Variants in VDAC1 observed in about 807,000 individuals in gnomAD.
The protein encoded by VDAC1 is voltage dependent anion channel 1.
A neutral mutation model predicts 34.7 loss-of-function variants in VDAC1; 10 were observed. That is an observed-to-expected ratio of 0.29 (90% CI 0.18 to 0.49). The LOEUF (loss-of-function observed/expected upper bound fraction) is 0.49, where lower values mean the gene tolerates loss of function less well. Among genes scored for constraint, VDAC1 ranks in the 20% least tolerant of loss-of-function variants. The probability of loss-of-function intolerance (pLI) is 0.99; values close to 1 mark genes in which losing one functional copy is unlikely to be tolerated. For missense variants in VDAC1, 230 were observed against 347.9 expected (o/e 0.66, Z 2.69); for synonymous variants, 130 against 136.0 (o/e 0.96, Z 0.30).
At chr5:134,075,770 A>T in the VDAC1 span, among the ~76,000 whole-genome samples, 1 of 151,754 alleles carries the variant, frequency 6.6e-6, no homozygotes, top group South Asian at 2.1e-4. Context: ...TTATTTTAGT[A>T]GAGACGGGGT....
chr5:134,059,542 GA>G, the VDAC1 span, among the ~76,000 whole-genome samples: 1 of 152,086 alleles, frequency 6.6e-6, no homozygotes, highest in African/African-American at 2.4e-5. Flanking sequence ...CAGGAAGCTA[GA>G]AGCCCGTCGC....
At position 133,992,935 on chromosome 5, in the gene VDAC1, G is replaced by C. The variant is rs373877351; in HGVS notation, c.67+11C>G. 6.2e-7 allele frequency: 1 copy of C among 1,611,678 alleles called. No individual in the cohort carries two copies. Among genetic ancestry groups the C allele is most frequent in the Non-Finnish European group, 8.5e-7 (1 of 1,178,736 alleles). On this transcript the variant is annotated intron_variant, in intron 2 of 8. Coordinates refer to ENST00000265333, the MANE Select transcript of VDAC1 (RefSeq NM_003374.3). ...GTGAGCTGAAAGGCACCCCCTCTCTGCAACACTCACCATAGCCCTTGGTGA... is the reference window on the plus strand; with the variant it reads ...GTGAGCTGAAAGGCACCCCCTCTCTCCAACACTCACCATAGCCCTTGGTGA...
the VDAC1 span, among the ~76,000 whole-genome samples, chr5:134,048,297 C>T: frequency 1.7e-4 from 26 of 148,692 alleles, no homozygotes; most frequent in African/African-American, 5.7e-4. Flanking sequence ...GAGACAGTCT[C>T]GCTCTGTCGC....
intron 3 of VDAC1, 79 bp from the exon 4 acceptor site, chr5:133,991,233 C>A (rs748074688): frequency 6.2e-5 from 97 of 1,572,648 alleles, no homozygotes; most frequent in Non-Finnish European, 7.7e-5. Flanking sequence ...ACTATACTTG[C>A]CTTTCTGCAA....
the VDAC1 span, among the ~76,000 whole-genome samples, chr5:134,100,666 G>C: frequency 6.6e-6 from 1 of 152,192 alleles, no homozygotes. Context: ...AACCAGAGCC[G>C]GCCGAGACTC....
At chr5:134,105,289 C>T in the VDAC1 span, among the ~76,000 whole-genome samples, 1 of 152,188 alleles carries the variant, frequency 6.6e-6, no homozygotes, top group African/African-American at 2.4e-5. Context: ...CCTGCTGCCC[C>T]CCACTATCCT....
At chr5:134,070,150 A>C in the VDAC1 span, among the ~76,000 whole-genome samples, 1 of 151,250 alleles carries the variant, frequency 6.6e-6, no homozygotes, top group East Asian at 1.9e-4. Flanking sequence ...TTACTTTCTT[A>C]TTTTTTTTGG....
the VDAC1 span, among the ~76,000 whole-genome samples, chr5:134,014,909 T>C: frequency 2.0e-5 from 3 of 152,080 alleles, no homozygotes; most frequent in Non-Finnish European, 4.4e-5. Flanking sequence ...CAAATGCACA[T>C]GTAGGTTTGT....
chr5:133,976,660 AAAG>A (rs1752495732), intron 6 of VDAC1, among the ~76,000 whole-genome samples: 2 of 151,770 alleles, frequency 1.3e-5, no homozygotes, highest in East Asian at 1.9e-4. Flanking sequence ...AAAAAAAAAA[AAAG>A]AAGCAGCAAG....
the VDAC1 span, among the ~76,000 whole-genome samples, chr5:134,110,521 A>T: frequency 2.0e-5 from 3 of 152,236 alleles, no homozygotes; most frequent in Non-Finnish European, 4.4e-5. Context: ...AACTACACAG[A>T]GTTTCCAGAA....
At chr5:134,077,131 G>A in the VDAC1 span, among the ~76,000 whole-genome samples, 3 of 151,984 alleles carry the variant, frequency 2.0e-5, no homozygotes, top group South Asian at 2.1e-4. Context: ...ACAAAAATTA[G>A]CCAGGCGTGG....
At chr5:134,039,540 A>C in the VDAC1 span, among the ~76,000 whole-genome samples, 2 of 151,908 alleles carry the variant, frequency 1.3e-5, no homozygotes, top group Non-Finnish European at 2.9e-5. Context: ...CGTGTTAGCC[A>C]GGATGGTCTC....
chr5:134,019,037 C>A, the VDAC1 span, among the ~76,000 whole-genome samples: 2 of 152,116 alleles, frequency 1.3e-5, no homozygotes, highest in African/African-American at 2.4e-5. Flanking sequence ...CGCATCTCCC[C>A]GCTTGGCTGA....
the VDAC1 span, among the ~76,000 whole-genome samples, chr5:134,102,192 C>T: frequency 3.3e-5 from 5 of 152,092 alleles, no homozygotes; most frequent in East Asian, 1.9e-4. Flanking sequence ...CAGCCCCCGC[C>T]GCTCTGGGGG....
At chr5:134,094,027 C>A in the VDAC1 span, among the ~76,000 whole-genome samples, 1 of 152,198 alleles carries the variant, frequency 6.6e-6, no homozygotes, top group African/African-American at 2.4e-5. Flanking sequence ...ACTGAAATAC[C>A]CCAGAGACCA....
chr5:134,105,225 A>C, the VDAC1 span, among the ~76,000 whole-genome samples: 1 of 152,146 alleles, frequency 6.6e-6, no homozygotes, highest in African/African-American at 2.4e-5. Flanking sequence ...TTGATATCCC[A>C]GGAGCTCCTC....
chr5:134,005,960 A>G (rs1013961305), upstream of VDAC1, among the ~76,000 whole-genome samples: 1 of 152,216 alleles, frequency 6.6e-6, no homozygotes, highest in South Asian at 2.1e-4. Flanking sequence ...GCAGTGGGCA[A>G]CTGGGGCTAC....
chr5:133,988,580 C>T (rs1360150947), intron 5 of VDAC1, among the ~76,000 whole-genome samples: 9 of 151,880 alleles, frequency 5.9e-5, no homozygotes, highest in Admixed American at 3.9e-4. Flanking sequence ...CTGGCCAATA[C>T]GGTGAAACCC....
Position 134,004,942 on chromosome 5 carries a change from G to C in VDAC1, c.-54C>G, listed in dbSNP as rs1753711444. 6.6e-6 allele frequency: 1 copy of C among 152,322 alleles called. No individual in the cohort carries two copies. The allele number at this position is 152,322 out of a possible 1,614,324, so 9.4% of individuals were successfully genotyped here. ...GCAGCAGACACAGGAGCCTGCGGGC[G>C]TGTTGCGGGCGCGCGGGAGGACCTG... On this transcript the variant is annotated 5_prime_UTR_variant, in exon 1 of 9. Coordinates refer to ENST00000265333, the MANE Select transcript of VDAC1 (RefSeq NM_003374.3).
Sources: gnomAD v4.1 joint callset for allele counts (sites outside exome capture counted in the v4.1 genomes callset) on GRCh38, gnomAD v4.1.1 for gene constraint, MANE v1.5 for transcripts, NCBI Gene and HGNC (gene_info 2026-07-23, HGNC 2026-07-21) for gene names.